Variants in FOXK2 observed in about 807,000 individuals in gnomAD.
FOXK2 encodes forkhead box K2.
Under a neutral mutation model 53.3 loss-of-function variants are expected in FOXK2, and 24 were observed. The observed-to-expected ratio is 0.45, with a 90% CI of 0.33 to 0.63. The LOEUF (loss-of-function observed/expected upper bound fraction) is 0.63. Ranked by LOEUF, FOXK2 falls within the 30% of genes least tolerant of loss-of-function variation. The probability of loss-of-function intolerance (pLI) is 0.03; values close to 1 mark genes in which losing one functional copy is unlikely to be tolerated. For synonymous variants in FOXK2, 505 were observed against 407.1 expected (o/e 1.24, Z -2.89); for missense variants, 952 against 910.5 (o/e 1.05, Z -0.59).
intron 1 of FOXK2, among the ~76,000 whole-genome samples, chr17:82,540,744 T>C (rs981512823): frequency 6.6e-6 from 1 of 152,218 alleles, no homozygotes; most frequent in African/African-American, 2.4e-5. Flanking sequence ...CAAATAGTTA[T>C]CAAGTTAGCA....
chr17:82,552,448 A>G (rs560072197), intron 1 of FOXK2, among the ~76,000 whole-genome samples: 5 of 152,010 alleles, frequency 3.3e-5, no homozygotes, highest in African/African-American at 1.2e-4. Context: ...TCCAGGCTTC[A>G]CCCACCGTCG....
intron 2 of FOXK2, among the ~76,000 whole-genome samples, chr17:82,567,090 G>A (rs921809686): frequency 2.6e-5 from 4 of 152,126 alleles, no homozygotes; most frequent in Admixed American, 1.3e-4. Flanking sequence ...GGCCACTCGT[G>A]TGTTGCCCTT....
At chr17:82,534,936 G>A (rs566215792) in intron 1 of FOXK2, among the ~76,000 whole-genome samples, 1 of 152,316 alleles carries the variant, frequency 6.6e-6, no homozygotes, top group South Asian at 2.1e-4. Flanking sequence ...CTGGAGTGCA[G>A]TGGCACCATC....
At position 82,586,880 on chromosome 17, in the gene FOXK2, A is replaced by C. The variant is rs2045182260; in HGVS notation, c.1577-183A>C. Among the ~76,000 whole-genome samples the C allele has an allele frequency of 2.0e-5, 3 of 152,088 alleles. No individual in the cohort carries two copies. In the South Asian group the frequency reaches 6.2e-4, roughly 32 times the overall value. On this transcript the variant is annotated intron_variant, in intron 7 of 8. Transcript: ENST00000335255. The stretch of plus-strand genomic sequence containing the variant: ...TGCGCCATTGGACTCCAGCTTGGGT[A>C]ACGAGCGAAACTCCATCTCAAAAAA...
At chr17:82,582,389 G>C (rs2045074447) in intron 4 of FOXK2, among the ~76,000 whole-genome samples, 1 of 152,216 alleles carries the variant, frequency 6.6e-6, no homozygotes, top group Non-Finnish European at 1.5e-5. Context: ...GAAGCCCATA[G>C]CAGCCTTGGG....
chr17:82,530,294 C>T (rs997518088), intron 1 of FOXK2, among the ~76,000 whole-genome samples: 1 of 151,848 alleles, frequency 6.6e-6, no homozygotes, highest in African/African-American at 2.4e-5. Flanking sequence ...AGTTCGAGAC[C>T]AGCCTGACCA....
At position 82,595,550 on chromosome 17, in the gene FOXK2, G is replaced by A. The variant is rs1004408608; in HGVS notation, c.1787-5753G>A. Among the ~76,000 whole-genome samples the A allele has an allele frequency of 1.2e-4, 18 of 152,226 alleles. No individual in the cohort carries two copies. The South Asian group carries it at 2.7e-3, about 23-fold the overall frequency. ...ACTCCTAGGTTCAAGTGATTCTCTC[G>A]CCTCTGCCTCCCCAAATGCTGGGAC... On this transcript the variant is annotated intron_variant, in intron 8 of 8. Transcript: ENST00000335255.
At position 82,592,482 on chromosome 17, in the gene FOXK2, A is replaced by C. The variant is rs544374073; in HGVS notation, c.1786+5210A>C. ...GTGGAGGAACCTCATGAGGCCCTTC[A>C]CGGGGCCACTCCCTGTCTGGACAGG... On this transcript the variant is annotated intron_variant, in intron 8 of 8. Transcript: ENST00000335255. 2.6e-5 allele frequency among the ~76,000 whole-genome samples: 4 copies of C among 152,238 alleles called. No homozygotes were observed. In the East Asian group the frequency reaches 7.7e-4, roughly 29 times the overall value.
chr17:82,586,978 CT>C, intron 7 of FOXK2, 84 bp from the exon 8 acceptor site: 1 of 1,190,914 alleles, frequency 8.4e-7, no homozygotes, highest in East Asian at 2.4e-5. Context: ...GGTGTGATAG[CT>C]ATCTGGTTAT....
Position 82,582,830 on chromosome 17 carries a change from G to A in FOXK2, c.999G>A (p.Arg333=), listed in dbSNP as rs763835394. The part of the protein sequence containing the change: ...QEEPGKGSFW[R]IDPASESKLI... ...AACCAGGCAAAGGCTCGTTCTGGAG[G>A]ATAGACCCAGCCTCTGAAAGCAAAT... is the stretch of plus-strand genomic sequence containing the variant. The change falls in exon 5 of 9, where the codon AGG becomes AGA. Residue 333 remains arginine (R), a synonymous_variant. Transcript: ENST00000335255. The A allele has an allele frequency of 1.9e-6, 3 of 1,613,468 alleles. No homozygotes were observed. Among genetic ancestry groups the A allele is most frequent in the South Asian group, 1.1e-5 (1 of 90,976 alleles).
rs765216482 is a variant in FOXK2 at position 82,584,115 on chromosome 17, G to A, written c.1206G>A (p.Leu402=). Residue 402 remains leucine, a synonymous_variant, in exon 6 of 9, where the codon CTG becomes CTA. Transcript: ENST00000335255. ...SLSREGSPAP[L]EPEPGAAQPK... ...CGAGGGAAGGTTCGCCGGCCCCCCT[G>A]GAGCCTGAGCCTGGCGCTGCACAGC... is the stretch of plus-strand genomic sequence containing the variant. 1 of 1,611,330 alleles carries A rather than the reference G, an allele frequency of 6.2e-7. No individual in the cohort carries two copies. The highest frequency in any genetic ancestry group is 2.2e-5 in the East Asian group (1 of 44,880).
intron 1 of FOXK2, 107 bp downstream of exon 1, chr17:82,520,414 AC>A: frequency 2.1e-6 from 2 of 963,136 alleles, no homozygotes; most frequent in Non-Finnish European, 2.7e-6. Flanking sequence ...CGGGGGCCCG[AC>A]TCTCCCACAG....
At chr17:82,582,984 C>G in intron 5 of FOXK2, 50 bp downstream of exon 5, 1 of 1,326,728 alleles carries the variant, frequency 7.5e-7, no homozygotes, top group Non-Finnish European at 1.0e-6. Context: ...ACTAAACTTA[C>G]CTTCAGTGTA....
intron 1 of FOXK2, among the ~76,000 whole-genome samples, chr17:82,528,896 G>A (rs370082514): frequency 1.3e-5 from 2 of 152,226 alleles, no homozygotes; most frequent in Admixed American, 6.5e-5. Flanking sequence ...GTACGACACC[G>A]GGGTGAGTCT....
chr17:82,588,570 A>G (rs1598235305), intron 8 of FOXK2, among the ~76,000 whole-genome samples: 2 of 152,024 alleles, frequency 1.3e-5, no homozygotes, highest in Non-Finnish European at 2.9e-5. Context: ...CCCAGATTCG[A>G]TATGTGTCAG....
chr17:82,572,393 C>G (rs919533727), intron 4 of FOXK2, among the ~76,000 whole-genome samples: 11 of 152,150 alleles, frequency 7.2e-5, no homozygotes, highest in Non-Finnish European at 1.5e-4. Flanking sequence ...CCTGTCTCAG[C>G]CGGGGAGCCC....
At chr17:82,555,885 C>CAAAAAAAAAAAAAAA (rs71168116) in intron 1 of FOXK2, among the ~76,000 whole-genome samples, 5 of 74,246 alleles carry the variant, frequency 6.7e-5, no homozygotes, top group Non-Finnish European at 1.3e-4. Context: ...GACTCTATCA[C>CAAAAAAAAAAAAAAA]AAAAAAAAAA....
chr17:82,535,645 C>T (rs1480529519), intron 1 of FOXK2, among the ~76,000 whole-genome samples: 1 of 152,096 alleles, frequency 6.6e-6, no homozygotes, highest in African/African-American at 2.4e-5. Context: ...CTTTTAAAAG[C>T]TCCAGGATTT....
At chr17:82,596,207 G>A (rs571704672) in intron 8 of FOXK2, 157 of 990,294 alleles carry the variant, frequency 1.6e-4, no homozygotes, top group Admixed American at 2.4e-4. Flanking sequence ...TTCCTGCTTC[G>A]CCTTCAGTAG....
Sources: allele counts gnomAD v4.1 joint callset (sites outside exome capture counted in the v4.1 genomes callset), GRCh38; gene constraint gnomAD v4.1.1; transcripts MANE v1.5; gene names NCBI Gene and HGNC (gene_info 2026-07-23, HGNC 2026-07-21).